Variants in AJAP1 observed in about 807,000 individuals in gnomAD.
The protein encoded by AJAP1 is adherens junctions associated protein 1, also known as adherens junction-associated protein 1.
A neutral mutation model predicts 35.0 loss-of-function variants in AJAP1; 5 were observed. That is an observed-to-expected ratio of 0.14 (90% CI 0.07 to 0.30). The LOEUF is 0.30. AJAP1 is among the 10% of genes least tolerant of loss of function. AJAP1 has a pLI of 1.00. For missense variants in AJAP1, 586 were observed against 571.0 expected, an observed-to-expected ratio of 1.03 and a Z score of -0.27; for synonymous variants, 284 against 249.3, an observed-to-expected ratio of 1.14 and a Z score of -1.31.
At chr1:4,738,586 G>A (rs747883430) in intron 2 of AJAP1, among the ~76,000 whole-genome samples, 3 of 152,156 alleles carry the variant, frequency 2.0e-5, no homozygotes, top group South Asian at 4.1e-4. Context: ...AGGAGAGGGG[G>A]TGGGAGCCAG....
intron 1 of AJAP1, among the ~76,000 whole-genome samples, chr1:4,678,327 A>G (rs1639404888): frequency 6.6e-6 from 1 of 152,226 alleles, no homozygotes; most frequent in South Asian, 2.1e-4. Context: ...CTCATTCACA[A>G]ATGACAACTC....
rs145016476 is a variant in AJAP1, at chr1:4,746,851, C to T, written c.830-23002C>T. ...ATTGCCTCCCCACCACTGGGACTTT[C>T]ATTGACAAGGCAGCTGGTGGTACGA... On this transcript the variant is annotated intron_variant, in intron 2 of 5. Transcript: ENST00000378191. 7.5e-3 allele frequency among the ~76,000 whole-genome samples: 1,139 copies of T among 152,294 alleles called. 13 individuals are homozygous for T. The highest frequency in any genetic ancestry group is 0.026 in the African/African-American group (1,075 of 41,578).
intron 2 of AJAP1, among the ~76,000 whole-genome samples, chr1:4,718,757 A>G (rs1640452057): frequency 6.6e-6 from 1 of 152,184 alleles, no homozygotes; most frequent in African/African-American, 2.4e-5. Flanking sequence ...CTGGGATTAC[A>G]GGCATGAGCC....
Position 4,723,495 on chromosome 1 carries a change from A to G in AJAP1, c.829+10796A>G, listed in dbSNP as rs1158152888. Among the ~76,000 whole-genome samples, 2 of 151,960 alleles carry G rather than the reference A, an allele frequency of 1.3e-5. No individual in the cohort carries two copies. The highest frequency in any genetic ancestry group is 4.8e-5 in the African/African-American group (2 of 41,364). ...TGATAAGGAAGAGCCCACCGGGAGG[A>G]GGTGGCCAGGAGGCTGCAGGAGAAA... On this transcript the variant is annotated intron_variant, in intron 2 of 5. Transcript: ENST00000378191. The surrounding 1 kb of genome is among the most constrained non-coding windows in gnomAD (Gnocchi z 4.3).
chr1:4,679,171 A>G (rs999212555), intron 1 of AJAP1, among the ~76,000 whole-genome samples: 1 of 152,168 alleles, frequency 6.6e-6, no homozygotes, highest in Non-Finnish European at 1.5e-5. Flanking sequence ...ACTGCAGCCT[A>G]ACACTTGGGA....
At position 4,788,983 on chromosome 1, in the gene AJAP1, T is replaced by A. The variant is rs1479642665; in HGVS notation, c.*6498T>A. The A allele has an allele frequency of 6.6e-6, 1 of 152,254 alleles. No homozygotes were observed. Among genetic ancestry groups the A allele is most frequent in the Non-Finnish European group, 1.5e-5 (1 of 68,054 alleles). The allele number at this position is 152,254 out of a possible 1,614,324, so 9.4% of individuals were successfully genotyped here. A position where few individuals can be genotyped will look rare whatever the true frequency, so the allele number is the denominator to read the frequency against. On this transcript the variant is annotated 3_prime_UTR_variant, in exon 6 of 6. Coordinates refer to ENST00000378191, the MANE Select transcript of AJAP1 (RefSeq NM_018836.4). ...AAAAGCATAAAATGAATCCTCCCTG[T>A]AGCTCCATTGCCTTTTCCTCGTGAA...
intron 2 of AJAP1, among the ~76,000 whole-genome samples, chr1:4,745,795 G>A (rs1008450118): frequency 5.9e-5 from 9 of 152,168 alleles, no homozygotes; most frequent in African/African-American, 1.4e-4. Context: ...CAAGGCCAGC[G>A]TCCTGATGTC....
At chr1:4,711,631 G>A (rs1217428740) in intron 1 of AJAP1, among the ~76,000 whole-genome samples, 1 of 152,186 alleles carries the variant, frequency 6.6e-6, no homozygotes, top group Non-Finnish European at 1.5e-5. Context: ...TCGGCGACCG[G>A]CCGGCTCTGT....
rs1640586897 is a variant in AJAP1 at position 4,723,963 on chromosome 1, A to G, written c.829+11264A>G. ...GTGCTGTTGGCTGAGCTCGCTATAG[A>G]GACCTCAAGAGGTGTCCAAGAAAAG... On this transcript the variant is annotated intron_variant, in intron 2 of 5. Coordinates refer to ENST00000378191, the MANE Select transcript of AJAP1 (RefSeq NM_018836.4). This position sits in a 1 kb window ranked among gnomAD's most constrained non-coding sequence, Gnocchi z 4.3. Among the ~76,000 whole-genome samples, 1 of 152,178 alleles carries G rather than the reference A, an allele frequency of 6.6e-6. No homozygotes were observed. The highest frequency in any genetic ancestry group is 2.4e-5 in the African/African-American group (1 of 41,436).
At position 4,742,352 on chromosome 1, in the gene AJAP1, G is replaced by A. The variant is rs373428285; in HGVS notation, c.830-27501G>A. On this transcript the variant is annotated intron_variant, in intron 2 of 5. Coordinates refer to ENST00000378191, the MANE Select transcript of AJAP1 (RefSeq NM_018836.4). ...AATTCATAACCTGATCTGTTCATGAGGAAATGTCAGGCAAATCAAAATTGA... is the reference window on the plus strand; with the variant it reads ...AATTCATAACCTGATCTGTTCATGAAGAAATGTCAGGCAAATCAAAATTGA... Among the ~76,000 whole-genome samples, 9 of 152,302 alleles carry A rather than the reference G, an allele frequency of 5.9e-5. No individual in the cohort carries two copies. In the East Asian group the frequency reaches 9.7e-4, roughly 16 times the overall value.
chr1:4,718,380 T>G (rs1021902389), intron 2 of AJAP1, among the ~76,000 whole-genome samples: 1 of 152,188 alleles, frequency 6.6e-6, no homozygotes, highest in African/African-American at 2.4e-5. Flanking sequence ...CTTCTTAAGC[T>G]TCTTCATTCC....
At chr1:4,767,261 A>G (rs1294871109) in intron 2 of AJAP1, among the ~76,000 whole-genome samples, 1 of 150,100 alleles carries the variant, frequency 6.7e-6, no homozygotes, top group Non-Finnish European at 1.5e-5. Flanking sequence ...TCATATCACT[A>G]TCATCAACAT....
intron 3 of AJAP1, among the ~76,000 whole-genome samples, chr1:4,770,563 G>A (rs745406019): frequency 7.9e-5 from 12 of 152,136 alleles, no homozygotes; most frequent in Non-Finnish European, 1.3e-4. Flanking sequence ...GCTCGAAAGC[G>A]CCTTGGGGAC....
chr1:4,719,549 C>T (rs911311051), intron 2 of AJAP1, among the ~76,000 whole-genome samples: 2 of 152,042 alleles, frequency 1.3e-5, no homozygotes, highest in Non-Finnish European at 2.9e-5. Flanking sequence ...GAGCCCATCT[C>T]GGGGGCGTGT....
chr1:4,688,771 C>CAAAAAAAAAAAAAAAAAAAAAA (rs5772177), intron 1 of AJAP1, among the ~76,000 whole-genome samples: 1 of 87,950 alleles, frequency 1.1e-5, no homozygotes. Flanking sequence ...GACTCCGTCT[C>CAAAAAAAAAAAAAAAAAAAAAA]AAAAAAAAAA....
chr1:4,668,484 A>G (rs1639185939), intron 1 of AJAP1, among the ~76,000 whole-genome samples: 1 of 152,222 alleles, frequency 6.6e-6, no homozygotes. Context: ...AAATGTAATT[A>G]ACAAAATCTC....
intron 1 of AJAP1, among the ~76,000 whole-genome samples, chr1:4,684,218 G>A (rs549009222): frequency 1.3e-5 from 2 of 152,300 alleles, no homozygotes; most frequent in South Asian, 2.1e-4. Context: ...AGCTGTTTGG[G>A]GGGCAGCTGT....
chr1:4,731,966 T>C (rs944871423), intron 2 of AJAP1, among the ~76,000 whole-genome samples: 8 of 152,144 alleles, frequency 5.3e-5, no homozygotes, highest in African/African-American at 1.9e-4. Context: ...CCAGGAGGCC[T>C]CCCTTCCCGA....
intron 2 of AJAP1, among the ~76,000 whole-genome samples, chr1:4,748,017 A>C (rs576836612): frequency 2.0e-5 from 3 of 150,836 alleles, no homozygotes; most frequent in Non-Finnish European, 3.0e-5. Context: ...AAGCAAAAAA[A>C]CCCTCCTTTC....
Sources: allele counts gnomAD v4.1 joint callset (sites outside exome capture counted in the v4.1 genomes callset), GRCh38; gene constraint gnomAD v4.1.1; non-coding constraint Gnocchi (gnomAD v3.1); transcripts MANE v1.5; gene names NCBI Gene and HGNC (gene_info 2026-07-23, HGNC 2026-07-21).